The following LRP1B variants were observed in gnomAD, a reference collection of about 807,000 sequenced individuals.
The protein encoded by LRP1B is LDL receptor related protein 1B, also known as low-density lipoprotein receptor-related protein 1B.
In LRP1B, 217 loss-of-function variants were observed where a neutral mutation model predicts 556.6. That is an observed-to-expected ratio of 0.39 (90% confidence interval 0.35 to 0.44). The LOEUF (loss-of-function observed/expected upper bound fraction) is 0.44. Among genes scored for constraint, LRP1B ranks in the 20% least tolerant of loss-of-function variants. LRP1B has a pLI of 1.00. For synonymous variants in LRP1B, 2,047 were observed against 1,865.8 expected (o/e 1.10, Z -2.50); for missense variants, 5,053 against 5,620.8 (o/e 0.90, Z 3.23).
intron 3 of LRP1B, among the ~76,000 whole-genome samples, chr2:141,370,515 A>G (rs529550490): frequency 6.6e-6 from 1 of 151,928 alleles, no homozygotes; most frequent in African/African-American, 2.4e-5. Flanking sequence ...TTTTTTGTTG[A>G]GTTGTTTGGG....
intron 1 of LRP1B, among the ~76,000 whole-genome samples, chr2:142,098,465 G>A (rs1706455794): frequency 6.6e-6 from 1 of 151,636 alleles, no homozygotes; most frequent in African/African-American, 2.4e-5. Flanking sequence ...GTCTGCTTTG[G>A]AGATTTTTTA....
intron 7 of LRP1B, among the ~76,000 whole-genome samples, chr2:141,102,400 C>T (rs948393055): frequency 2.6e-5 from 4 of 152,090 alleles, no homozygotes; most frequent in African/African-American, 9.7e-5. Context: ...TTGTACATCA[C>T]TTCTGTCACT....
At chr2:141,362,327 G>A (rs1688854526) in intron 3 of LRP1B, among the ~76,000 whole-genome samples, 1 of 152,198 alleles carries the variant, frequency 6.6e-6, no homozygotes, top group South Asian at 2.1e-4. Context: ...GGTTGGTAAT[G>A]ATGACATGCA....
intron 2 of LRP1B, among the ~76,000 whole-genome samples, chr2:141,669,463 C>T (rs1343769146): frequency 1.3e-5 from 2 of 152,094 alleles, no homozygotes; most frequent in Non-Finnish European, 2.9e-5. Context: ...TCATGCACTG[C>T]AAGTCCCAGA....
At chr2:141,896,500 CAT>C (rs1235993208) in intron 1 of LRP1B, among the ~76,000 whole-genome samples, 3 of 152,066 alleles carry the variant, frequency 2.0e-5, no homozygotes, top group African/African-American at 7.2e-5. Context: ...CCAATTGCCC[CAT>C]ATGTCATTTT....
At chr2:141,063,954 A>T (rs984019517) in intron 7 of LRP1B, among the ~76,000 whole-genome samples, 5 of 151,836 alleles carry the variant, frequency 3.3e-5, no homozygotes, top group African/African-American at 1.2e-4. Context: ...GAAGCAGGCA[A>T]TTGCAACTGT....
chr2:141,778,050 A>G (rs1695134346), intron 2 of LRP1B, among the ~76,000 whole-genome samples: 1 of 152,228 alleles, frequency 6.6e-6, no homozygotes, highest in African/African-American at 2.4e-5. Context: ...CAGTTGTGGT[A>G]GAGTCAGAAG....
chr2:140,282,393 C>T (rs1469089382), intron 84 of LRP1B, among the ~76,000 whole-genome samples: 1 of 151,754 alleles, frequency 6.6e-6, no homozygotes, highest in Admixed American at 6.6e-5. Flanking sequence ...ATTGCCAAGG[C>T]TTGCACACAA....
intron 16 of LRP1B, among the ~76,000 whole-genome samples, chr2:140,992,837 G>T (rs1262749167): frequency 6.6e-6 from 1 of 151,828 alleles, no homozygotes; most frequent in Non-Finnish European, 1.5e-5. Flanking sequence ...TTTTTTGTGG[G>T]TTCAAACTTT....
At chr2:141,482,084 T>C (rs1682939490) in intron 2 of LRP1B, among the ~76,000 whole-genome samples, 1 of 152,078 alleles carries the variant, frequency 6.6e-6, no homozygotes, top group African/African-American at 2.4e-5. Flanking sequence ...TTTTAGGATA[T>C]GCAAAATTGT....
At chr2:141,966,381 G>C (rs541369415) in intron 1 of LRP1B, among the ~76,000 whole-genome samples, 1 of 151,950 alleles carries the variant, frequency 6.6e-6, no homozygotes, top group South Asian at 2.1e-4. Flanking sequence ...AGACAGTGTT[G>C]TCTGTGATGT....
intron 1 of LRP1B, among the ~76,000 whole-genome samples, chr2:142,002,957 C>T (rs900763445): frequency 6.6e-6 from 1 of 152,158 alleles, no homozygotes; most frequent in Non-Finnish European, 1.5e-5. Flanking sequence ...TGTGAACATG[C>T]TTATAGATTT....
chr2:140,829,886 A>T lies in LRP1B; in HGVS notation c.5209+10105T>A, dbSNP rs150964174. ...AACCTTTAGCTAGACTAATTAAGGA[A>T]AAGAAAGAAAAGACAAAATCAGAAA... On this transcript the variant is annotated intron_variant, in intron 31 of 90. Coordinates refer to ENST00000389484, the MANE Select transcript of LRP1B (RefSeq NM_018557.3). Among the ~76,000 whole-genome samples the T allele has an allele frequency of 4.9e-3, 738 of 152,124 alleles. 8 individuals are homozygous for T. Among genetic ancestry groups the T allele is most frequent in the African/African-American group, 0.017 (700 of 41,566 alleles).
At chr2:141,492,079 G>GAAAAAAAAAAAAAAA (rs1553521014) in intron 2 of LRP1B, among the ~76,000 whole-genome samples, 718 of 7,832 alleles carry the variant, frequency 0.092, 43 homozygotes, top group African/African-American at 0.2. Flanking sequence ...TTAGCTTTCT[G>GAAAAAAAAAAAAAAA]AAAAAAAAAA....
intron 1 of LRP1B, among the ~76,000 whole-genome samples, chr2:142,050,082 T>C (rs558812698): frequency 6.6e-6 from 1 of 152,270 alleles, no homozygotes; most frequent in Non-Finnish European, 1.5e-5. Flanking sequence ...ATAGCATGCT[T>C]ATGCTTATCA....
intron 43 of LRP1B, among the ~76,000 whole-genome samples, chr2:140,575,113 T>C (rs1681469609): frequency 6.6e-6 from 1 of 152,152 alleles, no homozygotes; most frequent in African/African-American, 2.4e-5. Flanking sequence ...TGAACATTAC[T>C]GTGATCCTGC....
intron 7 of LRP1B, among the ~76,000 whole-genome samples, chr2:141,127,782 A>G (rs976446825): frequency 6.7e-6 from 1 of 149,790 alleles, no homozygotes; most frequent in Non-Finnish European, 1.5e-5. Flanking sequence ...TTTAAAAAAA[A>G]TCACGCTAAG....
At chr2:141,192,391 C>T (rs13026625) in intron 6 of LRP1B, among the ~76,000 whole-genome samples, 55,998 of 151,434 alleles carry the variant, frequency 0.37, 11,621 homozygotes, top group Middle Eastern at 0.57. Context: ...TTTTTAGGAG[C>T]GAAGTGAATT....
intron 87 of LRP1B, among the ~76,000 whole-genome samples, chr2:140,241,045 TAACC>T (rs981522305): frequency 1.3e-5 from 2 of 150,942 alleles, no homozygotes; most frequent in African/African-American, 2.4e-5. Flanking sequence ...TCGTGTAAAA[TAACC>T]AACCATCTCT....
Sources: allele counts gnomAD v4.1 joint callset (sites outside exome capture counted in the v4.1 genomes callset), GRCh38; gene constraint gnomAD v4.1.1; transcripts MANE v1.5; gene names NCBI Gene and HGNC (gene_info 2026-07-23, HGNC 2026-07-21).